The following ZSWIM9 variants were observed in gnomAD, a reference collection of about 807,000 sequenced individuals.
ZSWIM9 encodes zinc finger SWIM-type containing 9.
ZSWIM9 carries 11 observed loss-of-function variants against 25.0 expected under a neutral mutation model. The observed-to-expected ratio is 0.44, with a 90% CI of 0.28 to 0.73. ZSWIM9 has a LOEUF of 0.73. ZSWIM9 is among the 30% of genes least tolerant of loss of function. ZSWIM9 has a pLI of 0.16. For missense variants in ZSWIM9, 1,070 were observed against 1,296.5 expected (o/e 0.83, Z 2.68); for synonymous variants, 562 against 582.1 (o/e 0.97, Z 0.50).
intron 3 of ZSWIM9, chr19:48,187,569 T>TA (rs1159441428): frequency 0.19 from 3,506 of 18,276 alleles, 178 homozygotes; most frequent in East Asian, 0.35. Context: ...ATATATAATA[T>TA]TATATATATT....
intron 3 of ZSWIM9, among the ~76,000 whole-genome samples, chr19:48,187,977 T>C (rs149739780): frequency 0.011 from 1,639 of 148,624 alleles, 33 homozygotes; most frequent in African/African-American, 0.04. Context: ...GATAGATAGA[T>C]AGATAGATAG....
intron 3 of ZSWIM9, chr19:48,191,821 C>G (rs1425525078): frequency 6.5e-6 from 1 of 153,558 alleles, no homozygotes; most frequent in Non-Finnish European, 1.5e-5. Context: ...CTAAGCCAGC[C>G]CTGTTTGGTC....
Position 48,195,918 on chromosome 19 carries a change from G to C in ZSWIM9, c.1854G>C (p.Arg618Ser), listed in dbSNP as rs550039774. ...GGGGGACCCAGTTTGACTATGAGAG[G>C]GTCAGGAGTCTTGAAGGAAGCCCCT... ...DLRGTQFDYE[R>S]VRSLEGSPWR... Residue 618 changes from arginine to serine, a missense_variant, in exon 4 of 4, where the codon AGG becomes AGC. Arg to Ser is a moderately radical substitution (Grantham distance 110). Coordinates refer to ENST00000614654, the MANE Select transcript of ZSWIM9 (RefSeq NM_199341.4). This position sits in a 1 kb window ranked among gnomAD's most constrained non-coding sequence, Gnocchi z 5.8. 5.0e-4 allele frequency: 683 copies of C among 1,365,694 alleles called. 2 individuals are homozygous for C. Among genetic ancestry groups the C allele is most frequent in the Non-Finnish European group, 6.3e-4 (668 of 1,064,382 alleles). The allele number at this position is 1,365,694 out of a possible 1,614,324, so 84.6% of individuals were successfully genotyped here.
At position 48,194,747 on chromosome 19, in the gene ZSWIM9, T is replaced by C; in HGVS notation, c.683T>C (p.Met228Thr). Residue 228 changes from methionine (M) to threonine (T), a missense_variant, in exon 4 of 4, where the codon ATG (methionine) becomes ACG (threonine). Transcript: ENST00000614654. This position sits in a 1 kb window ranked among gnomAD's most constrained non-coding sequence, Gnocchi z 6.0. Reference sequence around the variant, plus strand: ...GCGCTGCTGCGGCGCTTCCCTCGCATGCTGCTGGTGGACCGGCTGCCGGGG... The same window carrying C: ...GCGCTGCTGCGGCGCTTCCCTCGCACGCTGCTGGTGGACCGGCTGCCGGGG... ...TRALLRRFPRMLLVDRLPGLQ... is the reference protein window; with the variant it reads ...TRALLRRFPRTLLVDRLPGLQ... 2.6e-6 allele frequency: 4 copies of C among 1,533,712 alleles called. No homozygotes were observed. The highest frequency in any genetic ancestry group is 3.5e-6 in the Non-Finnish European group (4 of 1,145,738).
At position 48,182,413 on chromosome 19, in the gene ZSWIM9, A is replaced by C; in HGVS notation, c.276-42A>C. 1 of 1,420,610 alleles carries C rather than the reference A, an allele frequency of 7.0e-7. No homozygotes were observed. Among genetic ancestry groups the C allele is most frequent in the Non-Finnish European group, 9.4e-7 (1 of 1,060,604 alleles). 88.0% of individuals were successfully genotyped at this position (1,420,610 alleles called of 1,614,324 possible). A position where few individuals can be genotyped will look rare whatever the true frequency, so the allele number is the denominator to read the frequency against. ...GGTGAGTGGAAAGGAAGAAGAGGGCAGCAGAGTGATGTGACCAGGGCGGTG... is the reference window on the plus strand; with the variant it reads ...GGTGAGTGGAAAGGAAGAAGAGGGCCGCAGAGTGATGTGACCAGGGCGGTG... On this transcript the variant is annotated intron_variant, in intron 2 of 3. Coordinates refer to ENST00000614654, the MANE Select transcript of ZSWIM9 (RefSeq NM_199341.4). The surrounding 1 kb of genome is among the most constrained non-coding windows in gnomAD (Gnocchi z 4.6).
Position 48,197,023 on chromosome 19 carries a change from G to A in ZSWIM9, c.*196G>A. ...TGTAAGTGGTCTCTGAGGTCCTGGA[G>A]CCACAGCTTGGGAAGGTGTTGATGG... On this transcript the variant is annotated 3_prime_UTR_variant, in exon 4 of 4. Coordinates refer to ENST00000614654, the MANE Select transcript of ZSWIM9 (RefSeq NM_199341.4). The A allele has an allele frequency of 7.1e-6, 4 of 563,840 alleles. No individual in the cohort carries two copies. The highest frequency in any genetic ancestry group is 3.0e-5 in the South Asian group (1 of 33,210). 34.9% of individuals were successfully genotyped at this position (563,840 alleles called of 1,614,324 possible). A position where few individuals can be genotyped will look rare whatever the true frequency, so the allele number is the denominator to read the frequency against.
chr19:48,180,360 T>A (rs1204687472), intron 2 of ZSWIM9, among the ~76,000 whole-genome samples: 1 of 147,980 alleles, frequency 6.8e-6, no homozygotes, highest in Non-Finnish European at 1.5e-5. Context: ...GGGGTCTCAC[T>A]AGTCTCACTA....
intron 3 of ZSWIM9, among the ~76,000 whole-genome samples, chr19:48,185,427 G>A (rs1313642304): frequency 6.6e-6 from 1 of 152,156 alleles, no homozygotes; most frequent in African/African-American, 2.4e-5. Context: ...GAGCCACCGT[G>A]CCCAGCCCCT....
chr19:48,195,872 G>A lies in ZSWIM9; in HGVS notation c.1808G>A (p.Arg603His), dbSNP rs765406867. 4.8e-5 allele frequency: 68 copies of A among 1,419,734 alleles called. 1 individual carries two copies. Among genetic ancestry groups the A allele is most frequent in the East Asian group, 2.8e-4 (10 of 36,130 alleles). The allele number at this position is 1,419,734 out of a possible 1,614,324, so 87.9% of individuals were successfully genotyped here. ...YTWRVAQLED[R>H]RSTTDLRGTQ... ...TGGAGGGTGGCCCAGCTGGAAGATCGCAGGAGTACCACCGACCTGAGGGGG... is the reference window on the plus strand; with the variant it reads ...TGGAGGGTGGCCCAGCTGGAAGATCACAGGAGTACCACCGACCTGAGGGGG... The change falls in exon 4 of 4, where the codon CGC (arginine) becomes CAC (histidine). Residue 603 changes from arginine (R) to histidine (H), a missense_variant. This residue lies in a region of ZSWIM9 where 583 missense variants were observed against 624.7 expected (regional missense o/e 0.93). Coordinates refer to ENST00000614654, the MANE Select transcript of ZSWIM9 (RefSeq NM_199341.4). The surrounding 1 kb of genome is among the most constrained non-coding windows in gnomAD (Gnocchi z 5.8).
At position 48,196,714 on chromosome 19, in the gene ZSWIM9, G is replaced by A. The variant is rs1318249321; in HGVS notation, c.2650G>A (p.Ala884Thr). 8.1e-7 allele frequency: 1 copy of A among 1,232,932 alleles called. No homozygotes were observed. The allele number at this position is 1,232,932 out of a possible 1,614,324, so 76.4% of individuals were successfully genotyped here. Residue 884 changes from alanine to threonine, a missense_variant, in exon 4 of 4, where the codon GCC becomes ACC. By Grantham distance (58) the Ala-to-Thr change is moderately conservative. Coordinates refer to ENST00000614654, the MANE Select transcript of ZSWIM9 (RefSeq NM_199341.4). The stretch of plus-strand genomic sequence containing the variant: ...GACACGCTGCAGCTGCTCAATTCAC[G>A]CCGCCCGCCGTCTGCCCTGCAGACA... ...ALTRCSCSIHAARRLPCRHLF... is the reference protein window; with the variant it reads ...ALTRCSCSIHTARRLPCRHLF...
At position 48,196,472 on chromosome 19, in the gene ZSWIM9, C is replaced by G; in HGVS notation, c.2408C>G (p.Pro803Arg). 1 of 1,232,604 alleles carries G rather than the reference C, an allele frequency of 8.1e-7. No homozygotes were observed. Among genetic ancestry groups the G allele is most frequent in the Non-Finnish European group, 1.0e-6 (1 of 988,490 alleles). 76.4% of individuals were successfully genotyped at this position (1,232,604 alleles called of 1,614,324 possible). The stretch of plus-strand genomic sequence containing the variant: ...CTGCAGGAAGGAGGCGAAGATGGCC[C>G]CAGGGAACCAAAGAGGCTTTGCCGA... ...DGLQEGGEDG[P>R]REPKRLCRPP... Residue 803 changes from proline (P) to arginine (R), a missense_variant, in exon 4 of 4, where the codon CCC becomes CGC. This residue lies in a region of ZSWIM9 where 583 missense variants were observed against 624.7 expected (regional missense o/e 0.93). Transcript: ENST00000614654.
At position 48,196,806 on chromosome 19, in the gene ZSWIM9, G is replaced by A; in HGVS notation, c.2742G>A (p.Trp914Ter). 8.1e-7 allele frequency: 1 copy of A among 1,236,334 alleles called. No homozygotes were observed. The highest frequency in any genetic ancestry group is 1.0e-6 in the Non-Finnish European group (1 of 990,644). 76.6% of individuals were successfully genotyped at this position (1,236,334 alleles called of 1,614,324 possible). A position where few individuals can be genotyped will look rare whatever the true frequency, so the allele number is the denominator to read the frequency against. The change falls in exon 4 of 4, where the codon TGG (tryptophan) becomes TGA (stop). Residue 914 changes from tryptophan (W) to a stop codon, truncating the protein, a stop_gained. Coordinates refer to ENST00000614654, the MANE Select transcript of ZSWIM9 (RefSeq NM_199341.4). LOFTEE classifies it high-confidence loss of function. The part of the protein sequence containing the change: ...LFHMDLLRDC[W>*]GRAPEP ...ACATGGACCTGCTCAGGGATTGCTGGGGGAGAGCCCCAGAGCCCTGACCCT... is the reference window on the plus strand; with the variant it reads ...ACATGGACCTGCTCAGGGATTGCTGAGGGAGAGCCCCAGAGCCCTGACCCT...
At chr19:48,177,882 A>G (rs761929125) in intron 2 of ZSWIM9, among the ~76,000 whole-genome samples, 1 of 152,120 alleles carries the variant, frequency 6.6e-6, no homozygotes, top group South Asian at 2.1e-4. Context: ...ACATTGAATA[A>G]TTTTCTAAAT....
intron 2 of ZSWIM9, among the ~76,000 whole-genome samples, chr19:48,175,987 C>T (rs2036889454): frequency 6.6e-6 from 1 of 152,222 alleles, no homozygotes; most frequent in Non-Finnish European, 1.5e-5. Flanking sequence ...GGGCAGATCA[C>T]TTGAAGTCAG....
At chr19:48,186,660 T>C (rs1022490042) in intron 3 of ZSWIM9, 2 of 154,890 alleles carry the variant, frequency 1.3e-5, no homozygotes, top group African/African-American at 4.8e-5. Flanking sequence ...TCACCATCTT[T>C]CGTTCTTCCT....
At chr19:48,173,168 T>C (rs1261120234) in intron 2 of ZSWIM9, among the ~76,000 whole-genome samples, 3 of 152,184 alleles carry the variant, frequency 2.0e-5, no homozygotes, top group East Asian at 1.9e-4. Flanking sequence ...GACAGAAAGA[T>C]TGACGTTAAA....
At position 48,196,529 on chromosome 19, in the gene ZSWIM9, C is replaced by T; in HGVS notation, c.2465C>T (p.Pro822Leu). The change falls in exon 4 of 4, where the codon CCC (proline) becomes CTC (leucine). Residue 822 changes from proline to leucine, a missense_variant. Pro to Leu is a moderately conservative substitution (Grantham distance 98). Transcript: ENST00000614654. The stretch of plus-strand genomic sequence containing the variant: ...GGAGAGGAGGAGGTGGACTGGGAAC[C>T]CCTGGCCAAATTCCGAGCAGCCTGC... ...PPGEEEVDWE[P>L]LAKFRAACGP... is the part of the protein sequence containing the mutation. The T allele has an allele frequency of 8.1e-7, 1 of 1,232,494 alleles. No individual in the cohort carries two copies. The highest frequency in any genetic ancestry group is 1.0e-6 in the Non-Finnish European group (1 of 988,284). 76.3% of individuals were successfully genotyped at this position (1,232,494 alleles called of 1,614,324 possible). A position where few individuals can be genotyped will look rare whatever the true frequency, so the allele number is the denominator to read the frequency against.
intron 3 of ZSWIM9, among the ~76,000 whole-genome samples, chr19:48,184,522 T>C (rs4801751): frequency 0.3 from 46,223 of 151,800 alleles, 8,143 homozygotes; most frequent in East Asian, 0.55. Flanking sequence ...AAAGTCGAGA[T>C]TCAGCTCTGG....
Position 48,195,496 on chromosome 19 carries a change from G to C in ZSWIM9, c.1432G>C (p.Gly478Arg). The C allele has an allele frequency of 7.1e-7, 1 of 1,414,976 alleles. No homozygotes were observed. The highest frequency in any genetic ancestry group is 2.8e-5 in the East Asian group (1 of 36,280). The allele number at this position is 1,414,976 out of a possible 1,614,324, so 87.7% of individuals were successfully genotyped here. The change falls in exon 4 of 4, where the codon GGA (glycine) becomes CGA (arginine). Residue 478 changes from glycine (G) to arginine (R), a missense_variant. Coordinates refer to ENST00000614654, the MANE Select transcript of ZSWIM9 (RefSeq NM_199341.4). The surrounding 1 kb of genome is among the most constrained non-coding windows in gnomAD (Gnocchi z 5.8). ...RVRGLETGDWGGAPKEGSIWR... is the reference protein window; with the variant it reads ...RVRGLETGDWRGAPKEGSIWR... ...GAGGGGCCTGGAGACAGGCGACTGG[G>C]GAGGGGCTCCGAAAGAAGGAAGTAT...
Sources: allele counts gnomAD v4.1 joint callset (sites outside exome capture counted in the v4.1 genomes callset), GRCh38; gene constraint gnomAD v4.1.1; regional missense constraint gnomAD v4.1.1; non-coding constraint Gnocchi (gnomAD v3.1); transcripts MANE v1.5; gene names NCBI Gene and HGNC (gene_info 2026-07-23, HGNC 2026-07-21).